PLEKHS1: variants seen among roughly 807,000 people sequenced by gnomAD.
PLEKHS1 encodes the protein pleckstrin homology domain-containing family S member 1.
In PLEKHS1, 55 loss-of-function variants were observed where a neutral mutation model predicts 51.0. The ratio of observed to expected loss-of-function variants is 1.08; its 90% confidence interval spans 0.87 to 1.35. The LOEUF (loss-of-function observed/expected upper bound fraction) is 1.35, where lower values mean the gene tolerates loss of function less well. PLEKHS1 is among the 40% of genes most tolerant of loss of function. The probability of loss-of-function intolerance (pLI) is 0.00; values close to 1 mark genes in which losing one functional copy is unlikely to be tolerated. For synonymous variants in PLEKHS1, 153 were observed against 144.8 expected, an observed-to-expected ratio of 1.06 and a Z score of -0.41; for missense variants, 398 against 423.0, an observed-to-expected ratio of 0.94 and a Z score of 0.52.
chr10:113,781,394 CACCTCCTTCCCAAA>C (rs1844865087), exon 12 of PLEKHS1: 1 of 86,464 alleles, frequency 1.2e-5, no homozygotes, highest in Non-Finnish European at 2.4e-5. Context: ...TCCTTCCCAA[CACCTCCTTCCCAAA>C]CCCCTCTTTC....
chr10:113,777,690 T>C, intron 11 of PLEKHS1: 1 of 1,526,456 alleles, frequency 6.6e-7, no homozygotes, highest in Non-Finnish European at 8.8e-7. Context: ...TATTAGGTGC[T>C]CAATAAAGCT....
exon 10 of PLEKHS1, chr10:113,774,859 T>G (rs1208737173): frequency 3.1e-6 from 5 of 1,614,116 alleles, no homozygotes; most frequent in African/African-American, 1.3e-5. Flanking sequence ...AGTCTGTGGA[T>G]AGCAGCAAAG....
chr10:113,778,755 T>C (rs898687405), intron 11 of PLEKHS1, among the ~76,000 whole-genome samples: 1 of 151,248 alleles, frequency 6.6e-6, no homozygotes, highest in Non-Finnish European at 1.5e-5. Flanking sequence ...ACCATTCTCC[T>C]GCCTCAGCCT....
chr10:113,752,500 A>G (rs1265842464), intron 1 of PLEKHS1, among the ~76,000 whole-genome samples: 2 of 152,238 alleles, frequency 1.3e-5, no homozygotes, highest in African/African-American at 4.8e-5. Context: ...TTGAGCTTCT[A>G]TTATGTACTG....
intron 11 of PLEKHS1, chr10:113,777,725 A>C (rs1365705835): frequency 6.7e-7 from 1 of 1,493,714 alleles, no homozygotes; most frequent in Non-Finnish European, 8.9e-7. Context: ...CTTCTACTAC[A>C]ACTGACCATG....
exon 12 of PLEKHS1, chr10:113,781,033 G>A (rs1349753852): frequency 4.0e-6 from 2 of 503,590 alleles, no homozygotes; most frequent in Non-Finnish European, 7.2e-6. Flanking sequence ...AAACACCACA[G>A]ACACAGATTG....
At chr10:113,774,179 G>A in intron 8 of PLEKHS1, 48 bp from the exon 9 acceptor site, 1 of 1,167,628 alleles carries the variant, frequency 8.6e-7, no homozygotes, top group African/African-American at 1.5e-5. Flanking sequence ...GAAGGTACCT[G>A]ACTTATCGGT....
chr10:113,756,657 G>A (rs947213462), intron 2 of PLEKHS1, among the ~76,000 whole-genome samples: 2 of 152,126 alleles, frequency 1.3e-5, no homozygotes, highest in African/African-American at 2.4e-5. Flanking sequence ...CCTATAGGAG[G>A]AGTAGGGATT....
chr10:113,780,604 A>T, exon 12 of PLEKHS1: 1 of 1,612,956 alleles, frequency 6.2e-7, no homozygotes, highest in Non-Finnish European at 8.5e-7. Flanking sequence ...TGTTTTAGAA[A>T]TTAAAGCTTA....
At position 113,775,762 on chromosome 10, in the gene PLEKHS1, T is replaced by G; in HGVS notation, c.990-3T>G. ...GTGACTTTTACAAATGTCTTGTTCA[T>G]AGTAATATCCCCGATGAAAGCCAAG... On this transcript the variant is annotated splice_polypyrimidine_tract_variant and splice_region_variant and intron_variant, in intron 10 of 11. Transcript: ENST00000361048. 1.2e-6 allele frequency: 2 copies of G among 1,608,410 alleles called. No individual in the cohort carries two copies. The highest frequency in any genetic ancestry group is 1.7e-6 in the Non-Finnish European group (2 of 1,176,026).
chr10:113,779,431 A>G (rs539307393), intron 11 of PLEKHS1, among the ~76,000 whole-genome samples: 6 of 152,238 alleles, frequency 3.9e-5, no homozygotes, highest in African/African-American at 1.2e-4. Context: ...TTAGCTGGGC[A>G]TGGTGGCGGG....
intron 2 of PLEKHS1, among the ~76,000 whole-genome samples, chr10:113,756,743 A>G (rs1854131989): frequency 6.6e-6 from 1 of 152,194 alleles, no homozygotes; most frequent in Non-Finnish European, 1.5e-5. Flanking sequence ...GTATAGAAGC[A>G]GAATGTGTCA....
chr10:113,755,706 C>G (rs548940755), intron 2 of PLEKHS1, among the ~76,000 whole-genome samples: 58 of 152,290 alleles, frequency 3.8e-4, no homozygotes, highest in African/African-American at 1.4e-3. Context: ...TGTACAGCCC[C>G]AGAACCCAGG....
intron 8 of PLEKHS1, 98 bp downstream of exon 8, chr10:113,772,187 G>A: frequency 7.6e-7 from 1 of 1,324,034 alleles, no homozygotes; most frequent in Non-Finnish European, 1.1e-6. Context: ...ATGGTCAGTG[G>A]GAACACAGAA....
chr10:113,776,472 CATTA>C (rs986511898), intron 11 of PLEKHS1, among the ~76,000 whole-genome samples: 1 of 152,150 alleles, frequency 6.6e-6, no homozygotes, highest in Non-Finnish European at 1.5e-5. Context: ...AAACACTACA[CATTA>C]ATTGTCTTAT....
exon 12 of PLEKHS1, chr10:113,780,618 T>G (rs1412629288): frequency 1.9e-6 from 3 of 1,613,616 alleles, no homozygotes. Flanking sequence ...AAGCTTACCA[T>G]CGGCAGGATC....
rs185097217 is a variant in PLEKHS1, at chr10:113,757,432, C to T, written c.28+2127C>T. Among the ~76,000 whole-genome samples, 37 of 152,282 alleles carry T rather than the reference C, an allele frequency of 2.4e-4. 1 individual carries two copies. Among genetic ancestry groups the T allele is most frequent in the Admixed American group, 1.4e-3 (21 of 15,298 alleles). On this transcript the variant is annotated intron_variant, in intron 2 of 11. Transcript: ENST00000361048. ...TTTATTGGATTCCATAAAAGCTATG[C>T]GTACACTATACTGTAGTCGAGTGTG...
At chr10:113,777,852 C>T (rs151158381) in intron 11 of PLEKHS1, 58 of 1,222,184 alleles carry the variant, frequency 4.7e-5, no homozygotes, top group South Asian at 2.6e-4. Context: ...GTGCTGGGCA[C>T]GGTGGCTTAC....
At chr10:113,780,580 T>C in intron 11 of PLEKHS1, 22 bp from the exon 13 acceptor site, 1 of 1,603,744 alleles carries the variant, frequency 6.2e-7, no homozygotes, top group Non-Finnish European at 8.5e-7. Flanking sequence ...GCCATTTAAC[T>C]TTCTTCTTTC....
Sources: gnomAD v4.1 joint callset for allele counts (sites outside exome capture counted in the v4.1 genomes callset) on GRCh38, gnomAD v4.1.1 for gene constraint, MANE v1.5 for transcripts, NCBI Gene and HGNC (gene_info 2026-07-23, HGNC 2026-07-21) for gene names.